BTG4: variants seen among roughly 807,000 people sequenced by gnomAD.
BTG4 encodes the protein protein BTG4.
BTG4 carries 10 observed loss-of-function variants against 19.3 expected under a neutral mutation model. That is an observed-to-expected ratio of 0.52 (90% CI 0.32 to 0.88). The LOEUF is 0.88. Ranked by LOEUF, BTG4 falls within the 40% of genes least tolerant of loss-of-function variation. BTG4 has a pLI of 0.04. For synonymous variants in BTG4, 91 were observed against 95.7 expected, an observed-to-expected ratio of 0.95 and a Z score of 0.29; for missense variants, 238 against 281.9, an observed-to-expected ratio of 0.84 and a Z score of 1.11.
chr11:111,501,257 G>T (rs1330874653), intron 1 of BTG4, among the ~76,000 whole-genome samples: 3 of 152,082 alleles, frequency 2.0e-5, no homozygotes, highest in Admixed American at 2.0e-4. Context: ...CTAGCTACTC[G>T]AAAGGCTGAG....
intron 5 of BTG4, among the ~76,000 whole-genome samples, chr11:111,479,971 A>G (rs1170681880): frequency 6.6e-6 from 1 of 152,200 alleles, no homozygotes; most frequent in South Asian, 2.1e-4. Flanking sequence ...ACAAAAACTA[A>G]GTGGTAAACT....
Position 111,472,005 on chromosome 11 carries a change from A to G in BTG4, c.663-4324T>C, listed in dbSNP as rs1381606564. ...ATCCAACCACTGCTCATCAACTACAATACCACCCTTGTGAAAAGGCCACCA... is the reference window on the plus strand; with the variant it reads ...ATCCAACCACTGCTCATCAACTACAGTACCACCCTTGTGAAAAGGCCACCA... On this transcript the variant is annotated intron_variant, in intron 5 of 5. Coordinates refer to the BTG4 transcript ENST00000356018. Among the ~76,000 whole-genome samples the G allele has an allele frequency of 4.6e-5, 7 of 152,138 alleles. No homozygotes were observed. In the East Asian group the frequency reaches 1.2e-3, roughly 25 times the overall value.
chr11:111,394,931 G>A, the BTG4 span, among the ~76,000 whole-genome samples: 73 of 152,332 alleles, frequency 4.8e-4, 1 homozygote, highest in African/African-American at 1.7e-3. Context: ...GAGAATCTAT[G>A]AGGTGTCATA....
the BTG4 span, among the ~76,000 whole-genome samples, chr11:111,436,511 A>C: frequency 6.6e-6 from 1 of 152,108 alleles, no homozygotes; most frequent in Admixed American, 6.5e-5. Flanking sequence ...CTGTAATTCC[A>C]GCTACTCAGG....
At chr11:111,471,363 G>A (rs1864051300) in intron 5 of BTG4, among the ~76,000 whole-genome samples, 1 of 152,042 alleles carries the variant, frequency 6.6e-6, no homozygotes, top group South Asian at 2.1e-4. Flanking sequence ...TAATGATGTC[G>A]GTAATCCAGA....
chr11:111,513,627 A>G (rs1189934654), upstream of BTG4: 1 of 392,244 alleles, frequency 2.5e-6, no homozygotes, highest in African/African-American at 2.1e-5. Flanking sequence ...CCAAAAGAAA[A>G]AAATCAACAT....
the BTG4 span, among the ~76,000 whole-genome samples, chr11:111,432,260 C>T: frequency 6.6e-6 from 1 of 152,108 alleles, no homozygotes; most frequent in African/African-American, 2.4e-5. Flanking sequence ...GATCCTGGTC[C>T]CTGCCTCCCG....
the BTG4 span, among the ~76,000 whole-genome samples, chr11:111,425,254 G>A: frequency 6.6e-6 from 1 of 152,130 alleles, no homozygotes. Context: ...TTCTGGGTAG[G>A]GGGTTCACAG....
downstream of BTG4, among the ~76,000 whole-genome samples, chr11:111,492,193 G>A (rs920436755): frequency 4.6e-5 from 7 of 152,146 alleles, no homozygotes; most frequent in African/African-American, 7.2e-5. Context: ...AGCAGCATGG[G>A]GTTCAGGGGT....
intron 1 of BTG4, 119 bp downstream of exon 1, chr11:111,512,062 G>A (rs1406174878): frequency 6.6e-6 from 1 of 152,152 alleles, no homozygotes; most frequent in Admixed American, 6.5e-5. Flanking sequence ...AGAGTATAAG[G>A]CCAAGTCCCC....
the BTG4 span, among the ~76,000 whole-genome samples, chr11:111,423,358 T>G: frequency 1.3e-5 from 2 of 152,238 alleles, no homozygotes; most frequent in Non-Finnish European, 2.9e-5. Context: ...AATCAAATCC[T>G]TTTACATCAG....
chr11:111,429,730 C>A, the BTG4 span, among the ~76,000 whole-genome samples: 1 of 152,332 alleles, frequency 6.6e-6, no homozygotes, highest in South Asian at 2.1e-4. Flanking sequence ...AGTTCTGTAG[C>A]AACTGCTAAG....
intron 5 of BTG4, among the ~76,000 whole-genome samples, chr11:111,474,433 CAT>C (rs1282251365): frequency 6.6e-5 from 10 of 152,090 alleles, no homozygotes; most frequent in Admixed American, 6.6e-4. Context: ...TAAATGGAAC[CAT>C]AAGATATGAG....
At chr11:111,420,951 C>T in the BTG4 span, among the ~76,000 whole-genome samples, 4 of 152,088 alleles carry the variant, frequency 2.6e-5, no homozygotes, top group Non-Finnish European at 5.9e-5. Context: ...CCAGAAGGCT[C>T]CTTTGGGAAA....
At chr11:111,400,908 G>A in the BTG4 span, 2 of 152,142 alleles carry the variant, frequency 1.3e-5, no homozygotes, top group South Asian at 2.1e-4. Context: ...AACCCAAACT[G>A]AGGGACATTC....
rs1055488951 is a variant in BTG4, at chr11:111,498,795, A to T, written c.-19T>A. The T allele has an allele frequency of 5.7e-6, 9 of 1,590,910 alleles. No individual in the cohort carries two copies. The highest frequency in any genetic ancestry group is 7.7e-6 in the Non-Finnish European group (9 of 1,167,866). ...CTCTCATGATTCAAGAAAAATAGAT[A>T]AGGAGGTCTGAATCATTAAAAGGAA... On this transcript the variant is annotated 5_prime_UTR_variant, in exon 2 of 5. Coordinates refer to ENST00000692032, the MANE Select transcript of BTG4 (RefSeq NM_001367975.1).
At chr11:111,428,510 C>T in the BTG4 span, among the ~76,000 whole-genome samples, 4 of 152,158 alleles carry the variant, frequency 2.6e-5, no homozygotes, top group African/African-American at 7.2e-5. Context: ...GGCATTGGGC[C>T]ACACAGTCAT....
chr11:111,489,603 T>C lies in BTG4; in HGVS notation c.662+5560A>G, dbSNP rs570937304. On this transcript the variant is annotated intron_variant, in intron 5 of 5. Coordinates refer to the BTG4 transcript ENST00000356018. ...TACACAATGGAACATTATTCAATCATGAAAAAGAATAAAATCTTTCATAAA... is the reference window on the plus strand; with the variant it reads ...TACACAATGGAACATTATTCAATCACGAAAAAGAATAAAATCTTTCATAAA... Among the ~76,000 whole-genome samples the C allele has an allele frequency of 3.2e-3, 482 of 152,168 alleles. 1 individual carries two copies. The highest frequency in any genetic ancestry group is 4.7e-3 in the Non-Finnish European group (321 of 67,988).
chr11:111,395,776 C>G, the BTG4 span, among the ~76,000 whole-genome samples: 1 of 152,238 alleles, frequency 6.6e-6, no homozygotes, highest in East Asian at 1.9e-4. Context: ...GGCAGCCCCA[C>G]AAGCATCTCC....
Sources: gnomAD v4.1 joint callset for allele counts (sites outside exome capture counted in the v4.1 genomes callset) on GRCh38, gnomAD v4.1.1 for gene constraint, MANE v1.5 for transcripts, NCBI Gene and HGNC (gene_info 2026-07-23, HGNC 2026-07-21) for gene names.